MEIS2: variants seen among roughly 807,000 people sequenced by gnomAD.
MEIS2 encodes the protein homeobox protein Meis2.
MEIS2 carries 9 observed loss-of-function variants against 58.6 expected under a neutral mutation model. The observed-to-expected ratio is 0.15, with a 90% confidence interval of 0.09 to 0.27. MEIS2 has a LOEUF of 0.27. Ranked by LOEUF, MEIS2 falls within the 10% of genes least tolerant of loss-of-function variation. The pLI is 1.00. For synonymous variants in MEIS2, 221 were observed against 228.4 expected (o/e 0.97, Z 0.29); for missense variants, 427 against 635.0 (o/e 0.67, Z 3.52).
At chr15:36,931,778 C>A (rs2057988152) in intron 9 of MEIS2, among the ~76,000 whole-genome samples, 1 of 152,264 alleles carries the variant, frequency 6.6e-6, no homozygotes, top group Non-Finnish European at 1.5e-5. Flanking sequence ...TCTCTAAGTG[C>A]CTCTAAATTA....
chr15:36,956,247 C>T (rs1050361052), intron 8 of MEIS2, among the ~76,000 whole-genome samples: 8 of 149,342 alleles, frequency 5.4e-5, no homozygotes, highest in Admixed American at 2.7e-4. Flanking sequence ...TGATCTGAGA[C>T]CTAATTTATG....
In MEIS2 at chr15:37,098,382, GAGAGA is replaced by G. The variant is rs1567300577; in HGVS notation, c.13-188_13-184del. The G allele has an allele frequency of 8.6e-4, 478 of 557,082 alleles. 7 individuals are homozygous for G. The highest frequency in any genetic ancestry group is 7.8e-3 in the African/African-American group (146 of 18,816). The allele number at this position is 557,082 out of a possible 1,614,324, so 34.5% of individuals were successfully genotyped here. A position where few individuals can be genotyped will look rare whatever the true frequency, so the allele number is the denominator to read the frequency against. ...GAGGAGGAAAAGGAGGAGAGGGGGA[GAGAGA>G]GAGAGAGAGAGAGAGAGAGAGAGAG... is the stretch of plus-strand genomic sequence containing the variant. On this transcript the variant is annotated intron_variant, in intron 1 of 11. Transcript: ENST00000561208.
chr15:37,092,221 T>C (rs1893611308), intron 6 of MEIS2, among the ~76,000 whole-genome samples: 1 of 152,240 alleles, frequency 6.6e-6, no homozygotes, highest in Non-Finnish European at 1.5e-5. Flanking sequence ...TGCGGTTTTC[T>C]TTTCTAGACT....
Position 37,076,213 on chromosome 15 carries a change from AAT to A in MEIS2, c.754+7556_754+7557del, listed in dbSNP as rs1349993690. Among the ~76,000 whole-genome samples, 3 of 152,196 alleles carry A rather than the reference AAT, an allele frequency of 2.0e-5. No homozygotes were observed. In the East Asian group the frequency reaches 5.8e-4, roughly 29 times the overall value. On this transcript the variant is annotated intron_variant, in intron 7 of 11. Coordinates refer to ENST00000561208, the MANE Select transcript of MEIS2 (RefSeq NM_170675.5). ...CTACCCTCCTCCCCAGCAAAAAAGCAATAAGACTTTCAACAAACTCTCTGAGG... is the reference window on the plus strand; with the variant it reads ...CTACCCTCCTCCCCAGCAAAAAAGCAAAGACTTTCAACAAACTCTCTGAGG...
At chr15:36,950,854 C>G (rs2058728937) in intron 8 of MEIS2, among the ~76,000 whole-genome samples, 1 of 152,020 alleles carries the variant, frequency 6.6e-6, no homozygotes, top group African/African-American at 2.4e-5. Flanking sequence ...AGATTATTGA[C>G]AGTAAAAGTT....
In MEIS2 at chr15:36,916,080, T is replaced by C. The variant is rs1323153433; in HGVS notation, c.978-19394A>G. Among the ~76,000 whole-genome samples, 22 of 152,176 alleles carry C rather than the reference T, an allele frequency of 1.4e-4. 1 individual carries two copies. The highest frequency in any genetic ancestry group is 1.4e-3 in the Admixed American group (22 of 15,284). On this transcript the variant is annotated intron_variant, in intron 9 of 11. Coordinates refer to ENST00000561208, the MANE Select transcript of MEIS2 (RefSeq NM_170675.5). ...AGGTGTCAGTTAATGCTCATAATTT[T>C]ATTACATTAAAGAAGTTTCCTTTTC...
chr15:36,946,618 C>G (rs2058575771), intron 9 of MEIS2, among the ~76,000 whole-genome samples: 1 of 151,932 alleles, frequency 6.6e-6, no homozygotes, highest in South Asian at 2.1e-4. Flanking sequence ...TCATGTTTCT[C>G]TTTCATTTTT....
chr15:36,995,771 A>C (rs2060467785), intron 8 of MEIS2, among the ~76,000 whole-genome samples: 1 of 123,832 alleles, frequency 8.1e-6, no homozygotes, highest in Non-Finnish European at 1.8e-5. Context: ...AGAAAGAAAA[A>C]AAACCTAGAG....
intron 8 of MEIS2, among the ~76,000 whole-genome samples, chr15:36,991,790 T>C (rs559499878): frequency 5.0e-4 from 60 of 120,566 alleles, no homozygotes; most frequent in African/African-American, 1.8e-3. Context: ...TTTCTTTTTT[T>C]TTTTTTTTTT....
chr15:36,997,857 C>T (rs2060580190), intron 8 of MEIS2, among the ~76,000 whole-genome samples: 1 of 152,132 alleles, frequency 6.6e-6, no homozygotes, highest in Non-Finnish European at 1.5e-5. Context: ...TGAAGCATAC[C>T]ACCTGCACAG....
intron 8 of MEIS2, among the ~76,000 whole-genome samples, chr15:37,003,879 C>T (rs746731543): frequency 2.2e-4 from 34 of 152,138 alleles, no homozygotes; most frequent in African/African-American, 2.7e-4. Context: ...CATATTGAGA[C>T]GGCTGTCTCT....
intron 7 of MEIS2, among the ~76,000 whole-genome samples, chr15:37,060,688 TAA>T (rs2141839390): frequency 6.6e-6 from 1 of 152,336 alleles, no homozygotes; most frequent in South Asian, 2.1e-4. Flanking sequence ...ACAAGGTGAA[TAA>T]AACACATGTT....
intron 8 of MEIS2, among the ~76,000 whole-genome samples, chr15:37,031,312 G>T (rs929032299): frequency 6.6e-6 from 1 of 152,014 alleles, no homozygotes; most frequent in Non-Finnish European, 1.5e-5. Context: ...TAAGAAAGAA[G>T]CCATCTGGAT....
intron 9 of MEIS2, among the ~76,000 whole-genome samples, chr15:36,940,842 G>A (rs2058349155): frequency 6.6e-6 from 1 of 151,998 alleles, no homozygotes; most frequent in Non-Finnish European, 1.5e-5. Context: ...GACTTGATGG[G>A]GTCATAGAAT....
chr15:37,015,366 A>C (rs2061313229), intron 8 of MEIS2, among the ~76,000 whole-genome samples: 1 of 152,150 alleles, frequency 6.6e-6, no homozygotes, highest in African/African-American at 2.4e-5. Context: ...TGGTTTAAAT[A>C]ATGAACATTA....
chr15:36,987,735 T>C (rs2141537216), intron 8 of MEIS2, among the ~76,000 whole-genome samples: 1 of 151,966 alleles, frequency 6.6e-6, no homozygotes, highest in East Asian at 1.9e-4. Flanking sequence ...CCTTTTCTGT[T>C]CACAGGGATC....
intron 11 of MEIS2, 33 bp downstream of exon 11, chr15:36,895,118 A>C: frequency 6.3e-7 from 1 of 1,575,916 alleles, no homozygotes; most frequent in Non-Finnish European, 8.7e-7. Context: ...GGCACTTCCC[A>C]GGGAAGCCCA....
chr15:37,004,488 G>A (rs1024882170), intron 8 of MEIS2, among the ~76,000 whole-genome samples: 8 of 152,188 alleles, frequency 5.3e-5, no homozygotes, highest in African/African-American at 1.7e-4. Context: ...GTCAGGAAAC[G>A]TCATAGACTC....
chr15:37,035,392 A>G (rs1252039441), intron 8 of MEIS2, among the ~76,000 whole-genome samples: 2 of 152,246 alleles, frequency 1.3e-5, no homozygotes, highest in African/African-American at 4.8e-5. Context: ...GTGCTCCTGA[A>G]TAGATAAAAG....
Sources: allele counts gnomAD v4.1 joint callset (sites outside exome capture counted in the v4.1 genomes callset), GRCh38; gene constraint gnomAD v4.1.1; transcripts MANE v1.5; gene names NCBI Gene and HGNC (gene_info 2026-07-23, HGNC 2026-07-21).